The following CLCNKB variants were observed in gnomAD, a reference collection of about 807,000 sequenced individuals.
CLCNKB encodes chloride channel protein ClC-Kb.
CLCNKB carries 74 observed loss-of-function variants against 83.8 expected under a neutral mutation model. That is an observed-to-expected ratio of 0.88 (90% confidence interval 0.73 to 1.07). CLCNKB has a LOEUF of 1.07. CLCNKB is among the 50% of genes least tolerant of loss of function. The pLI, the probability that CLCNKB is intolerant of heterozygous loss-of-function variation, is 0.00. For synonymous variants in CLCNKB, 358 were observed against 356.6 expected, an observed-to-expected ratio of 1.00 and a Z score of -0.04; for missense variants, 798 against 893.6, an observed-to-expected ratio of 0.89 and a Z score of 1.36.
intron 7 of CLCNKB, 60 bp from the exon 8 acceptor site, chr1:16,049,060 G>T (rs764904972): frequency 1.9e-6 from 3 of 1,613,084 alleles, no homozygotes; most frequent in East Asian, 2.2e-5. Flanking sequence ...TGGGGAGGGG[G>T]TCCTACAGTC....
At chr1:16,050,838 G>A in intron 11 of CLCNKB, 37 bp from the exon 12 acceptor site, 3 of 1,610,642 alleles carry the variant, frequency 1.9e-6, no homozygotes, top group Non-Finnish European at 2.5e-6. Flanking sequence ...TGCCGCTGGG[G>A]GCCCCTCATG....
chr1:16,048,763 T>C (rs1449857703), intron 7 of CLCNKB, 181 bp downstream of exon 7: 5 of 1,470,770 alleles, frequency 3.4e-6, no homozygotes, highest in Non-Finnish European at 4.5e-6. Context: ...GGTGACTTGA[T>C]TGGCGGTGCT....
At chr1:16,048,930 G>T in intron 7 of CLCNKB, 190 bp from the exon 8 acceptor site, 1 of 1,469,062 alleles carries the variant, frequency 6.8e-7, no homozygotes. Context: ...ATTCCAGGCT[G>T]GACGGGTCTC....
In CLCNKB at chr1:16,046,581, G is replaced by T. The variant is rs1205248452; in HGVS notation, c.276G>T (p.Arg92=). 4 of 1,614,130 alleles carry T rather than the reference G, an allele frequency of 2.5e-6. No individual in the cohort carries two copies. ...YREIGDSHLL[R]YLSWTVYPVA... ...AGATTGGGGACAGCCACCTGCTCCGGTATCTCTCCTGGACTGTGTACCCTG... is the reference window on the plus strand; with the variant it reads ...AGATTGGGGACAGCCACCTGCTCCGTTATCTCTCCTGGACTGTGTACCCTG... Residue 92 remains arginine (R), a synonymous_variant, in exon 4 of 20, where the codon CGG becomes CGT. Coordinates refer to ENST00000375679, the MANE Select transcript of CLCNKB (RefSeq NM_000085.5).
intron 19 of CLCNKB, 146 bp from the exon 20 acceptor site, chr1:16,056,723 G>A: frequency 2.2e-6 from 2 of 919,780 alleles, no homozygotes; most frequent in Non-Finnish European, 3.4e-6. Context: ...GCCCCTCTCG[G>A]CCTCAGTGAT....
At chr1:16,048,752 G>A (rs373871181) in intron 7 of CLCNKB, 170 bp downstream of exon 7, 2 of 1,474,460 alleles carry the variant, frequency 1.4e-6, no homozygotes, top group Non-Finnish European at 1.8e-6. Flanking sequence ...GAGGGGGGGC[G>A]GGTGACTTGA....
rs138851749 is a variant in CLCNKB at position 16,050,311 on chromosome 1, C to A, written c.969-205C>A. Reference sequence around the variant, plus strand: ...TGTCCTCCCTCCCAGCCTGCCTGTGCCCCAATTCTCCTATCAGCCTCTACC... The same window carrying A: ...TGTCCTCCCTCCCAGCCTGCCTGTGACCCAATTCTCCTATCAGCCTCTACC... On this transcript the variant is annotated intron_variant, in intron 10 of 19. Coordinates refer to ENST00000375679, the MANE Select transcript of CLCNKB (RefSeq NM_000085.5). 7.2e-5 allele frequency among the ~76,000 whole-genome samples: 11 copies of A among 152,264 alleles called. No homozygotes were observed. The East Asian group carries it at 2.1e-3, about 29-fold the overall frequency.
chr1:16,044,627 G>A, intron 2 of CLCNKB, 35 bp downstream of exon 2: 3 of 1,513,066 alleles, frequency 2.0e-6, no homozygotes, highest in Non-Finnish European at 2.7e-6. Context: ...CCCCCTGGAG[G>A]ACCACTCAGG....
chr1:16,046,788 A>T lies in CLCNKB; in HGVS notation c.358+125A>T, dbSNP rs561475719. 2.5e-6 allele frequency: 3 copies of T among 1,213,020 alleles called. No individual in the cohort carries two copies. The African/African-American group carries it at 4.4e-5, about 18-fold the overall frequency. The allele number at this position is 1,213,020 out of a possible 1,614,324, so 75.1% of individuals were successfully genotyped here. On this transcript the variant is annotated intron_variant, in intron 4 of 19. Coordinates refer to ENST00000375679, the MANE Select transcript of CLCNKB (RefSeq NM_000085.5). ...CAGGAAGAGTCATGTGGCTTGCCCA[A>T]AGGGACACAGCAAGAAGGCCAGATC...
At chr1:16,053,900 C>G in intron 16 of CLCNKB, 128 bp downstream of exon 16, 1 of 1,250,550 alleles carries the variant, frequency 8.0e-7, no homozygotes, top group Non-Finnish European at 1.1e-6. Context: ...TGACCTTGGG[C>G]AAGTCACATC....
intron 1 of CLCNKB, among the ~76,000 whole-genome samples, chr1:16,044,118 G>A (rs2023014020): frequency 6.6e-6 from 1 of 152,106 alleles, no homozygotes; most frequent in Non-Finnish European, 1.5e-5. Flanking sequence ...CCTGGGCAGA[G>A]ACTGCTCCCA....
chr1:16,045,331 G>T (rs879612451), intron 2 of CLCNKB, among the ~76,000 whole-genome samples: 3 of 152,190 alleles, frequency 2.0e-5, no homozygotes, highest in Non-Finnish European at 4.4e-5. Flanking sequence ...ACGGCTTTCT[G>T]GTAGGGGCAG....
At chr1:16,054,547 G>T (rs1200047583) in intron 16 of CLCNKB, among the ~76,000 whole-genome samples, 2 of 152,124 alleles carry the variant, frequency 1.3e-5, no homozygotes, top group African/African-American at 4.8e-5. Context: ...TTGAAAGTAG[G>T]GATCAAGAGA....
rs1423287126 is a variant in CLCNKB at position 16,051,021 on chromosome 1, G to A, written c.1200G>A (p.Gly400=). 6.2e-7 allele frequency: 1 copy of A among 1,614,076 alleles called. No individual in the cohort carries two copies. The highest frequency in any genetic ancestry group is 8.5e-7 in the Non-Finnish European group (1 of 1,180,020). The part of the protein sequence containing the change: ...EWYHPRFTIF[G]TLAFFLVMKF... ...ACCACCCGCGGTTCACCATCTTTGG[G>A]ACCCTTGCCTTCTTCCTGGTTATGA... The change falls in exon 12 of 20, where the codon GGG becomes GGA. Residue 400 remains glycine, a synonymous_variant. Coordinates refer to ENST00000375679, the MANE Select transcript of CLCNKB (RefSeq NM_000085.5).
intron 3 of CLCNKB, 76 bp from the exon 4 acceptor site, chr1:16,046,459 T>A: frequency 6.3e-7 from 1 of 1,597,618 alleles, no homozygotes; most frequent in Non-Finnish European, 8.5e-7. Context: ...TCCTGGTCAG[T>A]AAGTGGGCAC....
At position 16,051,471 on chromosome 1, in the gene CLCNKB, C is replaced by G; in HGVS notation, c.1228-7C>G. The G allele has an allele frequency of 6.2e-7, 1 of 1,614,128 alleles. No homozygotes were observed. The highest frequency in any genetic ancestry group is 2.2e-5 in the East Asian group (1 of 44,878). ...TAACCTCTGCCCTGGGCTCCCCACT[C>G]CCACAGTTCTGGATGCTGATTCTGG... On this transcript the variant is annotated splice_polypyrimidine_tract_variant and splice_region_variant and intron_variant, in intron 12 of 19. Coordinates refer to ENST00000375679, the MANE Select transcript of CLCNKB (RefSeq NM_000085.5).
intron 4 of CLCNKB, among the ~76,000 whole-genome samples, chr1:16,047,635 G>C (rs944556654): frequency 3.9e-5 from 6 of 151,944 alleles, no homozygotes; most frequent in African/African-American, 1.5e-4. Flanking sequence ...TGGGCGAAGT[G>C]GTCTCCACCT....
intron 11 of CLCNKB, 87 bp downstream of exon 11, chr1:16,050,687 C>T: frequency 2.7e-6 from 4 of 1,505,162 alleles, no homozygotes; most frequent in South Asian, 1.1e-5. Flanking sequence ...CCCCCAATAC[C>T]CCATAAGGGA....
intron 4 of CLCNKB, 82 bp downstream of exon 4, chr1:16,046,745 A>C: frequency 2.6e-6 from 4 of 1,548,060 alleles, no homozygotes; most frequent in Non-Finnish European, 3.6e-6. Flanking sequence ...GGGCAGCCTC[A>C]TTTCACAGAC....
Sources: allele counts gnomAD v4.1 joint callset (sites outside exome capture counted in the v4.1 genomes callset), GRCh38; gene constraint gnomAD v4.1.1; transcripts MANE v1.5; gene names NCBI Gene and HGNC (gene_info 2026-07-23, HGNC 2026-07-21).